The following FAM81B variants were observed in gnomAD, a reference collection of about 807,000 sequenced individuals.
FAM81B encodes the protein protein FAM81B.
In FAM81B, 60 loss-of-function variants were observed where a neutral mutation model predicts 58.7. The ratio of observed to expected loss-of-function variants is 1.02; its 90% CI spans 0.83 to 1.27. The LOEUF (loss-of-function observed/expected upper bound fraction) is 1.27, where lower values mean the gene tolerates loss of function less well. Among genes scored for constraint, FAM81B ranks in the 50% most tolerant of loss-of-function variants. The pLI, the probability that FAM81B is intolerant of heterozygous loss-of-function variation, is 0.00. For synonymous variants in FAM81B, 189 were observed against 179.6 expected (o/e 1.05, Z -0.42); for missense variants, 491 against 522.0 (o/e 0.94, Z 0.58).
At chr5:95,407,452 C>G (rs941939140) in intron 3 of FAM81B, among the ~76,000 whole-genome samples, 3 of 152,100 alleles carry the variant, frequency 2.0e-5, no homozygotes, top group African/African-American at 7.2e-5. Context: ...ACACGCACAC[C>G]TGCCAGCTCA....
At chr5:95,417,831 C>A (rs998062797) in intron 4 of FAM81B, among the ~76,000 whole-genome samples, 1 of 152,152 alleles carries the variant, frequency 6.6e-6, no homozygotes, top group Non-Finnish European at 1.5e-5. Flanking sequence ...AGGCTGCTTG[C>A]AGTACATCAC....
intron 5 of FAM81B, chr5:95,424,234 A>G: frequency 7.8e-7 from 1 of 1,288,624 alleles, no homozygotes. Flanking sequence ...GTTAGAATGC[A>G]GTCATGCATA....
intron 7 of FAM81B, among the ~76,000 whole-genome samples, chr5:95,441,397 C>CT (rs1745339605): frequency 6.6e-6 from 1 of 151,884 alleles, no homozygotes; most frequent in Non-Finnish European, 1.5e-5. Flanking sequence ...AGTGAAACCC[C>CT]GCCTGTACTA....
intron 4 of FAM81B, 119 bp from the exon 5 acceptor site, chr5:95,420,165 C>A: frequency 8.1e-7 from 1 of 1,228,470 alleles, no homozygotes; most frequent in Non-Finnish European, 1.2e-6. Context: ...GACTCTCTCA[C>A]TCATGCACAC....
At chr5:95,401,753 A>T (rs1762119816) in intron 3 of FAM81B, among the ~76,000 whole-genome samples, 1 of 152,236 alleles carries the variant, frequency 6.6e-6, no homozygotes, top group Admixed American at 6.5e-5. Flanking sequence ...AATGGTTACC[A>T]GAATCTCCCC....
Position 95,448,355 on chromosome 5 carries a change from A to G in FAM81B, c.1116A>G (p.Thr372=). 1 of 1,613,028 alleles carries G rather than the reference A, an allele frequency of 6.2e-7. No individual in the cohort carries two copies. Among genetic ancestry groups the G allele is most frequent in the East Asian group, 2.2e-5 (1 of 44,812 alleles). ...ENFINTQKQE[T]QLSKVKHMEN... ...TCATTAACACACAGAAACAGGAAACACAACTAAGTAAAGTAAAGCATATGG... is the reference window on the plus strand; with the variant it reads ...TCATTAACACACAGAAACAGGAAACGCAACTAAGTAAAGTAAAGCATATGG... The change falls in exon 9 of 10, where the codon ACA becomes ACG. Residue 372 remains threonine (T), a synonymous_variant. Coordinates refer to ENST00000283357, the MANE Select transcript of FAM81B (RefSeq NM_152548.3).
chr5:95,442,064 C>T (rs1024029305), intron 7 of FAM81B, among the ~76,000 whole-genome samples: 2 of 152,234 alleles, frequency 1.3e-5, no homozygotes, highest in Admixed American at 1.3e-4. Flanking sequence ...TTTGAAAACA[C>T]TACCACAGTA....
At chr5:95,430,478 A>G (rs1186573935) in intron 6 of FAM81B, among the ~76,000 whole-genome samples, 1 of 151,158 alleles carries the variant, frequency 6.6e-6, no homozygotes, top group Non-Finnish European at 1.5e-5. Context: ...ACATCTTTCC[A>G]TATTGATACA....
rs77481175 is a variant in FAM81B, at chr5:95,424,565, C to G, written c.657-4038C>G. 4.3e-3 allele frequency among the ~76,000 whole-genome samples: 646 copies of G among 151,892 alleles called. 3 individuals carry two copies. Among genetic ancestry groups the G allele is most frequent in the South Asian group, 0.01 (50 of 4,816 alleles). On this transcript the variant is annotated intron_variant, in intron 5 of 9. Transcript: ENST00000283357. The stretch of plus-strand genomic sequence containing the variant: ...TCTTTAAAATATAAACCCATAAGGA[C>G]CAGGGATACCAGCATAGAAGTCTTG...
intron 7 of FAM81B, chr5:95,440,673 G>T (rs1310475727): frequency 1.2e-6 from 1 of 830,858 alleles, no homozygotes; most frequent in Non-Finnish European, 1.8e-6. Flanking sequence ...CCACAGACTG[G>T]GAAAAGTTGG....
intron 3 of FAM81B, among the ~76,000 whole-genome samples, chr5:95,398,973 T>A (rs1012823219): frequency 6.6e-6 from 1 of 152,222 alleles, no homozygotes; most frequent in African/African-American, 2.4e-5. Flanking sequence ...AAATGAATCC[T>A]GAGTTTCTGC....
At chr5:95,434,022 C>G (rs1043370984) in intron 6 of FAM81B, among the ~76,000 whole-genome samples, 7 of 152,122 alleles carry the variant, frequency 4.6e-5, no homozygotes, top group Non-Finnish European at 1.0e-4. Flanking sequence ...ATCCCCATAC[C>G]TTTTGTTTTT....
chr5:95,428,228 G>A (rs1359030199), intron 5 of FAM81B, among the ~76,000 whole-genome samples: 1 of 152,042 alleles, frequency 6.6e-6, no homozygotes, highest in African/African-American at 2.4e-5. Flanking sequence ...TATATAAGAG[G>A]AGCAAATTTT....
chr5:95,423,806 A>G (rs898629596), intron 5 of FAM81B, among the ~76,000 whole-genome samples: 21 of 152,204 alleles, frequency 1.4e-4, no homozygotes, highest in Non-Finnish European at 2.6e-4. Context: ...CACACTTACC[A>G]AATATTGTGA....
At chr5:95,405,519 C>T (rs1184211453) in intron 3 of FAM81B, among the ~76,000 whole-genome samples, 2 of 152,046 alleles carry the variant, frequency 1.3e-5, no homozygotes. Flanking sequence ...CTGTTGTCTT[C>T]TCTCTTAATA....
chr5:95,436,780 C>A lies in FAM81B; in HGVS notation c.787-20C>A, dbSNP rs1745117333. On this transcript the variant is annotated intron_variant, in intron 6 of 9. Transcript: ENST00000283357. Reference sequence around the variant, plus strand: ...TGGTGGTTTTGTTCATATGCACAAACCCTCTCGTACTTTGACTAGGTGATG... The same window carrying A: ...TGGTGGTTTTGTTCATATGCACAAAACCTCTCGTACTTTGACTAGGTGATG... 1 of 1,528,890 alleles carries A rather than the reference C, an allele frequency of 6.5e-7. No homozygotes were observed. Among genetic ancestry groups the A allele is most frequent in the African/African-American group, 1.4e-5 (1 of 73,326 alleles). 94.7% of individuals were successfully genotyped at this position (1,528,890 alleles called of 1,614,324 possible).
chr5:95,443,313 GTACTT>G (rs1203844365), intron 7 of FAM81B, among the ~76,000 whole-genome samples: 3 of 151,748 alleles, frequency 2.0e-5, no homozygotes, highest in Non-Finnish European at 4.4e-5. Flanking sequence ...CTCTCGGTGT[GTACTT>G]TAATTTGATT....
chr5:95,421,173 C>T (rs930220009), intron 5 of FAM81B, among the ~76,000 whole-genome samples: 1 of 152,186 alleles, frequency 6.6e-6, no homozygotes, highest in Non-Finnish European at 1.5e-5. Flanking sequence ...GCAACATGGT[C>T]TCCTTTCTAT....
At chr5:95,446,807 A>T in intron 8 of FAM81B, 110 bp downstream of exon 8, 1 of 1,420,012 alleles carries the variant, frequency 7.0e-7, no homozygotes, top group Non-Finnish European at 9.6e-7. Flanking sequence ...TCACTGCTTC[A>T]GTAACTTTTT....
Sources: gnomAD v4.1 joint callset for allele counts (sites outside exome capture counted in the v4.1 genomes callset) on GRCh38, gnomAD v4.1.1 for gene constraint, MANE v1.5 for transcripts, NCBI Gene and HGNC (gene_info 2026-07-23, HGNC 2026-07-21) for gene names.